The following GRID2 variants were observed in gnomAD, a reference collection of about 807,000 sequenced individuals.
GRID2 encodes the protein glutamate ionotropic receptor delta type subunit 2, also known as glutamate receptor ionotropic, delta-2.
In GRID2, 33 loss-of-function variants were observed where a neutral mutation model predicts 114.8. The ratio of observed to expected loss-of-function variants is 0.29; its 90% CI spans 0.22 to 0.38. GRID2 has a LOEUF of 0.38. Among genes scored for constraint, GRID2 ranks in the 10% least tolerant of loss-of-function variants. The pLI is 1.00. For missense variants in GRID2, 1,184 were observed against 1,257.7 expected (o/e 0.94, Z 0.89); for synonymous variants, 505 against 449.9 (o/e 1.12, Z -1.55).
At chr4:93,024,189 C>G (rs1356674920) in intron 2 of GRID2, among the ~76,000 whole-genome samples, 12 of 151,740 alleles carry the variant, frequency 7.9e-5, no homozygotes, top group East Asian at 1.9e-4. Context: ...CATTTTTGCT[C>G]CCTTAGCCCT....
At chr4:92,930,943 G>T (rs932209023) in intron 2 of GRID2, among the ~76,000 whole-genome samples, 2 of 150,750 alleles carry the variant, frequency 1.3e-5, no homozygotes, top group African/African-American at 4.9e-5. Flanking sequence ...AGCATTTGGG[G>T]AAAAAACGAA....
At chr4:93,578,477 A>G (rs72670648) in intron 13 of GRID2, among the ~76,000 whole-genome samples, 3,620 of 152,196 alleles carry the variant, frequency 0.024, 61 homozygotes, top group East Asian at 0.067. Context: ...AGATACAAAA[A>G]TGAATATTTA....
At chr4:92,318,120 A>G (rs1726095897) in intron 1 of GRID2, among the ~76,000 whole-genome samples, 1 of 151,862 alleles carries the variant, frequency 6.6e-6, no homozygotes, top group African/African-American at 2.4e-5. Context: ...TGCACTCTTA[A>G]AAAGGAACTG....
intron 1 of GRID2, among the ~76,000 whole-genome samples, chr4:92,346,099 C>T (rs1427432518): frequency 1.3e-5 from 2 of 152,138 alleles, no homozygotes; most frequent in African/African-American, 2.4e-5. Flanking sequence ...CTTATCAGCT[C>T]TTACCTATAA....
In GRID2 at chr4:93,422,979, C is replaced by G; in HGVS notation, c.1545+11C>G. The G allele has an allele frequency of 6.4e-7, 1 of 1,563,852 alleles. No individual in the cohort carries two copies. Among genetic ancestry groups the G allele is most frequent in the Non-Finnish European group, 8.8e-7 (1 of 1,134,634 alleles). On this transcript the variant is annotated intron_variant, in intron 10 of 15. Transcript: ENST00000282020. Reference sequence around the variant, plus strand: ...GAACTTGTCTTTAAGGTAAGAATTACTTTATTTATTTGTCTCATACTTAAA... The same window carrying G: ...GAACTTGTCTTTAAGGTAAGAATTAGTTTATTTATTTGTCTCATACTTAAA...
At chr4:93,593,379 G>T (rs1738628444) in intron 13 of GRID2, among the ~76,000 whole-genome samples, 1 of 133,974 alleles carries the variant, frequency 7.5e-6, no homozygotes, top group Admixed American at 7.7e-5. Flanking sequence ...GTTGAATATT[G>T]GCCCCCACTC....
intron 10 of GRID2, among the ~76,000 whole-genome samples, chr4:93,430,242 G>C (rs142547477): frequency 6.6e-6 from 1 of 152,028 alleles, no homozygotes; most frequent in Admixed American, 6.5e-5. Flanking sequence ...GTTCAGTGGC[G>C]CAATCTCGGC....
At chr4:93,691,932 T>C (rs1039251031) in intron 14 of GRID2, among the ~76,000 whole-genome samples, 1 of 152,022 alleles carries the variant, frequency 6.6e-6, no homozygotes, top group Non-Finnish European at 1.5e-5. Context: ...TGTGTGTGTA[T>C]GTATGTGTGA....
intron 2 of GRID2, among the ~76,000 whole-genome samples, chr4:92,601,423 T>G (rs1729210584): frequency 6.6e-6 from 1 of 152,172 alleles, no homozygotes. Flanking sequence ...AACCTGCTCC[T>G]GAATGACTTT....
chr4:92,312,812 T>C (rs1725773319), intron 1 of GRID2, among the ~76,000 whole-genome samples: 1 of 151,942 alleles, frequency 6.6e-6, no homozygotes, highest in South Asian at 2.1e-4. Flanking sequence ...GATGTGGCAG[T>C]CAGGGAACAC....
chr4:92,313,995 T>A (rs1725838584), intron 1 of GRID2, among the ~76,000 whole-genome samples: 1 of 152,122 alleles, frequency 6.6e-6, no homozygotes, highest in Admixed American at 6.6e-5. Flanking sequence ...CCTAAGAGAA[T>A]TATCAGTAAA....
chr4:93,311,296 G>A (rs1755984834), intron 8 of GRID2, among the ~76,000 whole-genome samples: 2 of 152,122 alleles, frequency 1.3e-5, no homozygotes, highest in Non-Finnish European at 2.9e-5. Context: ...ACTATGTGCA[G>A]GAGTGATGTA....
intron 8 of GRID2, among the ~76,000 whole-genome samples, chr4:93,387,118 A>C (rs770556687): frequency 8.5e-5 from 13 of 152,134 alleles, no homozygotes; most frequent in Non-Finnish European, 2.9e-5. Flanking sequence ...GGATTCCTTG[A>C]GAGGATTTCT....
intron 11 of GRID2, among the ~76,000 whole-genome samples, chr4:93,488,768 C>T (rs999275695): frequency 6.6e-6 from 1 of 151,902 alleles, no homozygotes; most frequent in South Asian, 2.1e-4. Context: ...GAGGCCTCTC[C>T]CCTTGGCTTG....
chr4:93,396,821 T>G (rs1765375233), intron 9 of GRID2, among the ~76,000 whole-genome samples: 2 of 152,038 alleles, frequency 1.3e-5, no homozygotes, highest in Non-Finnish European at 2.9e-5. Context: ...GGGCTCTGTC[T>G]AAATAGCCAT....
At chr4:93,745,430 C>T (rs1731761490) in intron 14 of GRID2, among the ~76,000 whole-genome samples, 1 of 152,106 alleles carries the variant, frequency 6.6e-6, no homozygotes, top group Non-Finnish European at 1.5e-5. Context: ...AAGTAGATTA[C>T]ACAGCAGAGG....
At chr4:93,009,611 A>G (rs554076521) in intron 2 of GRID2, among the ~76,000 whole-genome samples, 2 of 152,100 alleles carry the variant, frequency 1.3e-5, no homozygotes, top group African/African-American at 2.4e-5. Flanking sequence ...TAACATATGT[A>G]GTTGAAGTCC....
chr4:92,937,161 G>T (rs1248920039), intron 2 of GRID2, among the ~76,000 whole-genome samples: 1 of 146,102 alleles, frequency 6.8e-6, no homozygotes, highest in Non-Finnish European at 1.5e-5. Context: ...TCGCTGTCTT[G>T]ATAGTGTCCT....
intron 1 of GRID2, among the ~76,000 whole-genome samples, chr4:92,547,038 T>C (rs1726298089): frequency 6.6e-6 from 1 of 152,172 alleles, no homozygotes; most frequent in Admixed American, 6.5e-5. Flanking sequence ...CTTTTAAGTC[T>C]TACTCTTGTA....
Sources: allele counts gnomAD v4.1 joint callset (sites outside exome capture counted in the v4.1 genomes callset), GRCh38; gene constraint gnomAD v4.1.1; transcripts MANE v1.5; gene names NCBI Gene and HGNC (gene_info 2026-07-23, HGNC 2026-07-21).